The following MMP28 variants were observed in gnomAD, a reference collection of about 807,000 sequenced individuals.
MMP28 encodes matrix metallopeptidase 28.
In MMP28, 55 loss-of-function variants were observed where a neutral mutation model predicts 60.5. That is an observed-to-expected ratio of 0.91 (90% confidence interval 0.73 to 1.14). MMP28 has a LOEUF of 1.14. Ranked by LOEUF, MMP28 falls within the 50% of genes most tolerant of loss-of-function variation. The pLI is 0.00. For missense variants in MMP28, 686 were observed against 738.3 expected, an observed-to-expected ratio of 0.93 and a Z score of 0.82; for synonymous variants, 318 against 312.5, an observed-to-expected ratio of 1.02 and a Z score of -0.18.
downstream of MMP28, among the ~76,000 whole-genome samples, chr17:35,763,616 G>A (rs1218851352): frequency 1.3e-4 from 19 of 151,794 alleles, no homozygotes. Context: ...AGTATCCAGG[G>A]CCGGGTGCAG....
chr17:35,764,402 T>C, downstream of MMP28: 1 of 1,510,282 alleles, frequency 6.6e-7, no homozygotes, highest in South Asian at 1.3e-5. Context: ...CCCCAGGCAC[T>C]GAGCGCCTGG....
At chr17:35,762,356 C>A (rs587750317), downstream of MMP28, among the ~76,000 whole-genome samples, 2 of 152,330 alleles carry the variant, frequency 1.3e-5, no homozygotes, top group African/African-American at 4.8e-5. Context: ...TTCCTCCCCT[C>A]TTTCCTTTAC....
chr17:35,785,854 C>T (rs1203780140), intron 1 of MMP28, among the ~76,000 whole-genome samples: 2 of 152,174 alleles, frequency 1.3e-5, no homozygotes, highest in African/African-American at 4.8e-5. Flanking sequence ...GTTACTTAAC[C>T]TTTCTGTGCC....
chr17:35,763,241 C>G (rs887062358), downstream of MMP28, among the ~76,000 whole-genome samples: 1 of 152,024 alleles, frequency 6.6e-6, no homozygotes, highest in Admixed American at 6.6e-5. Flanking sequence ...CAGAGACCAG[C>G]CTGGACAACA....
rs971483626 is a variant in MMP28, at chr17:35,756,350, T to C, written c.*65A>G. On this transcript the variant is annotated 3_prime_UTR_variant, in exon 3 of 3. Transcript: ENST00000615317. The stretch of plus-strand genomic sequence containing the variant: ...GTTCTCCAGGCACTCGGTTCCTTTC[T>C]TGTTGCTTCTTTAGGCCGTTGTTGT... The C allele has an allele frequency of 6.1e-6, 6 of 980,222 alleles. No individual in the cohort carries two copies. The African/African-American group carries it at 1.1e-4, about 17-fold the overall frequency. 60.7% of individuals were successfully genotyped at this position (980,222 alleles called of 1,614,324 possible).
At chr17:35,761,701 A>C (rs139771967), downstream of MMP28, among the ~76,000 whole-genome samples, 53 of 152,344 alleles carry the variant, frequency 3.5e-4, no homozygotes, top group East Asian at 9.8e-3. Flanking sequence ...GTCAGAGGGA[A>C]CATCCTAAAA....
chr17:35,791,526 ATGT>A (rs2086815204), intron 1 of MMP28, among the ~76,000 whole-genome samples: 2 of 152,234 alleles, frequency 1.3e-5, no homozygotes, highest in African/African-American at 4.8e-5. Context: ...CCAATTTATG[ATGT>A]TATTATTTTG....
intron 2 of MMP28, among the ~76,000 whole-genome samples, chr17:35,759,654 T>C (rs1555601127): frequency 6.6e-6 from 1 of 152,096 alleles, no homozygotes; most frequent in Non-Finnish European, 1.5e-5. Context: ...TGAGCCGAGA[T>C]TGCGCCACTG....
chr17:35,786,699 C>CAAAAAAAAAAAA (rs200165337), intron 1 of MMP28, among the ~76,000 whole-genome samples: 7,767 of 69,894 alleles, frequency 0.11, 517 homozygotes, highest in East Asian at 0.18. Flanking sequence ...CCTGTCTCTA[C>CAAAAAAAAAAAA]AAAAAAAAAA....
chr17:35,785,163 C>A (rs994947362), intron 1 of MMP28, among the ~76,000 whole-genome samples: 7 of 152,154 alleles, frequency 4.6e-5, no homozygotes, highest in Admixed American at 3.3e-4. Context: ...TCTAGGCCTG[C>A]ATCAGTCCTG....
chr17:35,768,112 T>A, intron 6 of MMP28, 118 bp downstream of exon 6: 1 of 1,391,564 alleles, frequency 7.2e-7, no homozygotes, highest in Non-Finnish European at 9.7e-7. Context: ...TGCAGCGTGC[T>A]TGTGGCTTGG....
At chr17:35,793,065 G>GTA (rs1288243728) in intron 1 of MMP28, among the ~76,000 whole-genome samples, 2 of 152,044 alleles carry the variant, frequency 1.3e-5, no homozygotes, top group African/African-American at 4.8e-5. Context: ...TGTAATATAT[G>GTA]TATATATACA....
At position 35,779,404 on chromosome 17, in the gene MMP28, C is replaced by T. The variant is rs545346264; in HGVS notation, c.112-81G>A. The stretch of plus-strand genomic sequence containing the variant: ...CCCCAAGGGCCCAGGGCACATACAT[C>T]CTGCCCAGTCTCACCTCTTGTCTTT... On this transcript the variant is annotated intron_variant, in intron 1 of 7. Transcript: ENST00000605424. 203 of 1,128,262 alleles carry T rather than the reference C, an allele frequency of 1.8e-4. 1 individual carries two copies. The South Asian group carries it at 2.7e-3, about 15-fold the overall frequency. The allele number at this position is 1,128,262 out of a possible 1,614,324, so 69.9% of individuals were successfully genotyped here.
chr17:35,768,093 G>C, intron 6 of MMP28, 137 bp downstream of exon 6: 1 of 1,304,468 alleles, frequency 7.7e-7, no homozygotes, highest in Non-Finnish European at 1.0e-6. Context: ...TGGGTGTGGG[G>C]TTGCTACCTG....
intron 4 of MMP28, among the ~76,000 whole-genome samples, chr17:35,771,981 A>G (rs879603606): frequency 6.6e-6 from 1 of 151,706 alleles, no homozygotes; most frequent in Admixed American, 6.6e-5. Context: ...GCACTATGAT[A>G]AAGTTTGCCT....
chr17:35,776,286 C>T (rs534460591), intron 3 of MMP28, among the ~76,000 whole-genome samples: 7 of 152,198 alleles, frequency 4.6e-5, no homozygotes, highest in African/African-American at 1.4e-4. Flanking sequence ...ATTCTCCTGC[C>T]TCAGTCTCCC....
Position 35,765,909 on chromosome 17 carries a change from G to A in MMP28, c.*591C>T, listed in dbSNP as rs568815809. 1 of 985,390 alleles carries A rather than the reference G, an allele frequency of 1.0e-6. No individual in the cohort carries two copies. The highest frequency in any genetic ancestry group is 1.2e-6 in the Non-Finnish European group (1 of 829,926). 61.0% of individuals were successfully genotyped at this position (985,390 alleles called of 1,614,324 possible). On this transcript the variant is annotated 3_prime_UTR_variant, in exon 8 of 8. Coordinates refer to ENST00000605424, the MANE Select transcript of MMP28 (RefSeq NM_024302.5). ...CAGCTGAAGGCACCTCTTTATTCCA[G>A]CCCCAGACAAAAAGCCAGGGACTGG...
intron 3 of MMP28, among the ~76,000 whole-genome samples, chr17:35,773,792 C>T (rs1056157377): frequency 2.0e-5 from 3 of 152,184 alleles, no homozygotes; most frequent in Non-Finnish European, 4.4e-5. Flanking sequence ...GTGTCTGTTG[C>T]TACCAGCAAA....
At chr17:35,770,412 C>G in intron 4 of MMP28, 100 bp from the exon 5 acceptor site, 2 of 1,381,802 alleles carry the variant, frequency 1.4e-6, no homozygotes, top group Non-Finnish European at 1.9e-6. Flanking sequence ...TGGCTGTTCT[C>G]TGCTGTATAG....
Sources: gnomAD v4.1 joint callset for allele counts (sites outside exome capture counted in the v4.1 genomes callset) on GRCh38, gnomAD v4.1.1 for gene constraint, MANE v1.5 for transcripts, NCBI Gene and HGNC (gene_info 2026-07-23, HGNC 2026-07-21) for gene names.